The following FHIT variants were observed in gnomAD, a reference collection of about 807,000 sequenced individuals.
The protein encoded by FHIT is bis(5'-adenosyl)-triphosphatase.
Under a neutral mutation model 17.9 loss-of-function variants are expected in FHIT, and 19 were observed. The observed-to-expected ratio is 1.06, with a 90% CI of 0.74 to 1.56. FHIT has a LOEUF of 1.56. Ranked by LOEUF, FHIT falls within the 40% of genes most tolerant of loss-of-function variation. The pLI is 0.00. For synonymous variants in FHIT, 81 were observed against 69.7 expected, an observed-to-expected ratio of 1.16 and a Z score of -0.81; for missense variants, 248 against 189.2, an observed-to-expected ratio of 1.31 and a Z score of -1.82.
At chr3:59,995,366 G>A (rs1258862743) in intron 7 of FHIT, among the ~76,000 whole-genome samples, 3 of 152,130 alleles carry the variant, frequency 2.0e-5, no homozygotes, top group Middle Eastern at 6.8e-3. Flanking sequence ...CACCTCTCAA[G>A]TGTCTTAACT....
chr3:60,793,134 G>T (rs1258206192), intron 4 of FHIT, among the ~76,000 whole-genome samples: 1 of 152,042 alleles, frequency 6.6e-6, no homozygotes, highest in African/African-American at 2.4e-5. Flanking sequence ...TTTCCTTGGT[G>T]TCTCAGTATC....
intron 2 of FHIT, among the ~76,000 whole-genome samples, chr3:61,049,793 G>A (rs545700677): frequency 3.9e-5 from 6 of 152,244 alleles, no homozygotes; most frequent in African/African-American, 1.4e-4. Context: ...ACCTTCTGCC[G>A]TTCTCTCCTG....
chr3:60,924,675 C>T (rs1430917457), intron 3 of FHIT, among the ~76,000 whole-genome samples: 3 of 152,222 alleles, frequency 2.0e-5, no homozygotes, highest in Non-Finnish European at 4.4e-5. Flanking sequence ...AGGAACGCAG[C>T]TCCTCACAAG....
At chr3:60,129,437 A>G (rs1408444038) in intron 5 of FHIT, among the ~76,000 whole-genome samples, 1 of 152,204 alleles carries the variant, frequency 6.6e-6, no homozygotes, top group African/African-American at 2.4e-5. Flanking sequence ...TGTCCTGTAC[A>G]TGTAAATATA....
intron 7 of FHIT, among the ~76,000 whole-genome samples, chr3:59,996,701 C>A (rs763317533): frequency 2.0e-5 from 3 of 152,074 alleles, no homozygotes; most frequent in Non-Finnish European, 4.4e-5. Context: ...GGGTATTAGA[C>A]ATGAGAATAG....
intron 8 of FHIT, among the ~76,000 whole-genome samples, chr3:59,766,292 C>T (rs528418952): frequency 3.9e-5 from 6 of 152,308 alleles, no homozygotes; most frequent in Admixed American, 1.3e-4. Flanking sequence ...ATTACAACAT[C>T]GGATGACCGC....
chr3:60,819,123 A>G (rs888519645), intron 4 of FHIT, among the ~76,000 whole-genome samples: 1 of 150,590 alleles, frequency 6.6e-6, no homozygotes, highest in Non-Finnish European at 1.5e-5. Flanking sequence ...TTACTTAGCC[A>G]TATTGGAAAT....
chr3:61,098,122 TG>T (rs745625338), intron 2 of FHIT, among the ~76,000 whole-genome samples: 95 of 152,336 alleles, frequency 6.2e-4, no homozygotes, highest in Admixed American at 1.1e-3. Context: ...AGTTAATTTT[TG>T]TATATGATAT....
chr3:61,172,996 G>T (rs9839082), intron 2 of FHIT, among the ~76,000 whole-genome samples: 69,721 of 152,008 alleles, frequency 0.46, 16,886 homozygotes, highest in East Asian at 0.87. Flanking sequence ...ATGAAACAGG[G>T]CAGCAACTAT....
chr3:61,181,266 G>A (rs1234579097), intron 2 of FHIT, among the ~76,000 whole-genome samples: 1 of 152,088 alleles, frequency 6.6e-6, no homozygotes, highest in Non-Finnish European at 1.5e-5. Flanking sequence ...CCTGTCTCTT[G>A]ATTATCAACA....
intron 8 of FHIT, among the ~76,000 whole-genome samples, chr3:59,849,182 C>CCT (rs1701836031): frequency 6.6e-6 from 1 of 152,024 alleles, no homozygotes; most frequent in Non-Finnish European, 1.5e-5. Context: ...ACCAGCCTGG[C>CCT]CAACATGGTG....
chr3:59,837,876 A>C (rs1291162658), intron 8 of FHIT, among the ~76,000 whole-genome samples: 1 of 152,098 alleles, frequency 6.6e-6, no homozygotes, highest in Non-Finnish European at 1.5e-5. Flanking sequence ...GAATAATAGT[A>C]ATATCTGCCC....
At chr3:60,967,171 A>G (rs13319645) in intron 3 of FHIT, among the ~76,000 whole-genome samples, 1,860 of 152,306 alleles carry the variant, frequency 0.012, 35 homozygotes, top group African/African-American at 0.042. Flanking sequence ...TTTCATCAGC[A>G]GTAGTATATG....
chr3:60,424,603 A>C (rs1576632519), intron 5 of FHIT, among the ~76,000 whole-genome samples: 1 of 152,022 alleles, frequency 6.6e-6, no homozygotes, highest in Admixed American at 6.6e-5. Flanking sequence ...TCACACCCAC[A>C]CACACACAAA....
intron 3 of FHIT, among the ~76,000 whole-genome samples, chr3:60,950,061 A>G (rs1708810173): frequency 6.6e-6 from 1 of 152,226 alleles, no homozygotes; most frequent in South Asian, 2.1e-4. Context: ...TAGTTGTCAT[A>G]AAGTCATTGT....
intron 3 of FHIT, among the ~76,000 whole-genome samples, chr3:60,970,304 T>C (rs1445499486): frequency 6.6e-6 from 1 of 152,176 alleles, no homozygotes; most frequent in Non-Finnish European, 1.5e-5. Flanking sequence ...TGGAATACTG[T>C]GTGTTTGCAC....
intron 4 of FHIT, among the ~76,000 whole-genome samples, chr3:60,657,800 T>C (rs1278493849): frequency 6.6e-6 from 1 of 152,176 alleles, no homozygotes; most frequent in Non-Finnish European, 1.5e-5. Context: ...TCCACCACCA[T>C]CCCTTAGGTG....
chr3:59,780,908 C>T (rs1702554413), intron 8 of FHIT, among the ~76,000 whole-genome samples: 1 of 152,182 alleles, frequency 6.6e-6, no homozygotes. Context: ...CCTCTAAGTG[C>T]TTCAGAGAGG....
At chr3:59,780,398 G>GA (rs1239140099) in intron 8 of FHIT, among the ~76,000 whole-genome samples, 1 of 152,216 alleles carries the variant, frequency 6.6e-6, no homozygotes, top group Non-Finnish European at 1.5e-5. Flanking sequence ...GTTGCAACTG[G>GA]AATTTGCATT....
Sources: allele counts gnomAD v4.1 joint callset (sites outside exome capture counted in the v4.1 genomes callset), GRCh38; gene constraint gnomAD v4.1.1; transcripts MANE v1.5; gene names NCBI Gene and HGNC (gene_info 2026-07-23, HGNC 2026-07-21).